PEX5L: variants seen among roughly 807,000 people sequenced by gnomAD.
PEX5L encodes the protein PEX5-related protein.
In PEX5L, 30 loss-of-function variants were observed where a neutral mutation model predicts 84.0. The ratio of observed to expected loss-of-function variants is 0.36; its 90% confidence interval spans 0.27 to 0.48. The LOEUF is 0.48. Among genes scored for constraint, PEX5L ranks in the 20% least tolerant of loss-of-function variants. The probability of loss-of-function intolerance (pLI) is 0.99; values close to 1 mark genes in which losing one functional copy is unlikely to be tolerated. For missense variants in PEX5L, 533 were observed against 754.6 expected (o/e 0.71, Z 3.44); for synonymous variants, 270 against 283.1 (o/e 0.95, Z 0.46).
chr3:179,813,664 A>ATTTTTTTTTTTT, intron 10 of PEX5L, among the ~76,000 whole-genome samples: 1 of 96,420 alleles, frequency 1.0e-5, no homozygotes, highest in Non-Finnish European at 2.0e-5. Context: ...CACTCAACTA[A>ATTTTTTTTTTTT]TTTTTTTTTT....
intron 2 of PEX5L, among the ~76,000 whole-genome samples, chr3:179,918,070 C>T (rs898473625): frequency 1.3e-5 from 2 of 152,128 alleles, no homozygotes; most frequent in Non-Finnish European, 2.9e-5. Context: ...GAGAGGTTAC[C>T]TGGGAAGAAC....
intron 7 of PEX5L, among the ~76,000 whole-genome samples, chr3:179,861,259 T>G (rs1195059743): frequency 2.0e-5 from 3 of 152,234 alleles, no homozygotes; most frequent in Non-Finnish European, 2.9e-5. Flanking sequence ...TAAAGATATT[T>G]TCTTTCCTTA....
At position 179,799,531 on chromosome 3, in the gene PEX5L, C is replaced by G. The variant is rs551997934; in HGVS notation, c.*2297G>C. The G allele has an allele frequency of 2.0e-5, 3 of 152,316 alleles. No individual in the cohort carries two copies. The highest frequency in any genetic ancestry group is 4.1e-4 in the South Asian group (2 of 4,826). 9.4% of individuals were successfully genotyped at this position (152,316 alleles called of 1,614,324 possible). On this transcript the variant is annotated 3_prime_UTR_variant, in exon 15 of 15. Transcript: ENST00000467460. ...ACAAATTAATTATTTGACATTTATA[C>G]TAGTTTCAGGCTTTAAATCCAGGCT...
chr3:179,820,025 T>C (rs752430434), intron 8 of PEX5L, 49 bp from the exon 9 acceptor site: 1 of 1,611,720 alleles, frequency 6.2e-7, no homozygotes, highest in South Asian at 1.1e-5. Flanking sequence ...ACATGCCACA[T>C]CATCTGTGTT....
chr3:179,850,068 CCCT>C (rs1379801319), intron 8 of PEX5L, among the ~76,000 whole-genome samples: 1 of 151,972 alleles, frequency 6.6e-6, no homozygotes, highest in Non-Finnish European at 1.5e-5. Context: ...GACTGTAAAT[CCCT>C]CTTTTTTAAC....
chr3:180,019,228 T>G (rs1016713237), intron 1 of PEX5L, among the ~76,000 whole-genome samples: 24 of 152,166 alleles, frequency 1.6e-4, no homozygotes, highest in African/African-American at 5.8e-4. Flanking sequence ...TAATTTGAAC[T>G]CCAGGTCTCT....
At chr3:180,002,767 G>A (rs1228352496) in intron 1 of PEX5L, among the ~76,000 whole-genome samples, 2 of 152,016 alleles carry the variant, frequency 1.3e-5, no homozygotes, top group African/African-American at 4.8e-5. Context: ...ATTGTGTGAA[G>A]ACTACCTCAC....
At chr3:179,890,441 A>G (rs1362291216) in intron 3 of PEX5L, among the ~76,000 whole-genome samples, 2 of 152,196 alleles carry the variant, frequency 1.3e-5, no homozygotes, top group Non-Finnish European at 2.9e-5. Flanking sequence ...CAACCAATAC[A>G]ACTGTGACTT....
chr3:179,916,590 C>CA (rs1560692109), intron 2 of PEX5L, among the ~76,000 whole-genome samples: 1 of 152,064 alleles, frequency 6.6e-6, no homozygotes, highest in East Asian at 1.9e-4. Context: ...TAAATTTATA[C>CA]AAAAAATTTT....
chr3:179,813,349 C>T (rs1368801783), intron 10 of PEX5L, among the ~76,000 whole-genome samples: 1 of 152,124 alleles, frequency 6.6e-6, no homozygotes, highest in African/African-American at 2.4e-5. Flanking sequence ...AAAAAATCTT[C>T]CAGGGCTGTT....
At chr3:179,848,519 C>G (rs1279226261) in intron 8 of PEX5L, among the ~76,000 whole-genome samples, 6 of 146,894 alleles carry the variant, frequency 4.1e-5, no homozygotes, top group African/African-American at 1.5e-4. Context: ...TGCCACTGAA[C>G]TCCAGCCTCA....
chr3:179,996,334 C>T (rs1787887944), intron 1 of PEX5L, among the ~76,000 whole-genome samples: 1 of 152,134 alleles, frequency 6.6e-6, no homozygotes, highest in African/African-American at 2.4e-5. Flanking sequence ...AGAGTTGGAT[C>T]AGGCTGATTT....
At chr3:179,837,607 C>A (rs999021347) in intron 8 of PEX5L, among the ~76,000 whole-genome samples, 2 of 152,176 alleles carry the variant, frequency 1.3e-5, no homozygotes, top group Non-Finnish European at 1.5e-5. Context: ...TAACTGTTTG[C>A]TCAATTGGTA....
At chr3:180,019,035 T>C (rs1790198536) in intron 1 of PEX5L, among the ~76,000 whole-genome samples, 1 of 152,224 alleles carries the variant, frequency 6.6e-6, no homozygotes, top group Non-Finnish European at 1.5e-5. Flanking sequence ...CCATTTCTTC[T>C]AGCTCCGTGT....
intron 2 of PEX5L, among the ~76,000 whole-genome samples, chr3:179,928,282 A>T (rs1251227337): frequency 6.6e-6 from 1 of 152,192 alleles, no homozygotes; most frequent in Non-Finnish European, 1.5e-5. Flanking sequence ...GCTCAATAAT[A>T]TTTGCCAGAT....
intron 2 of PEX5L, among the ~76,000 whole-genome samples, chr3:179,908,290 G>A (rs1763954143): frequency 1.3e-5 from 2 of 152,148 alleles, no homozygotes; most frequent in East Asian, 1.9e-4. Context: ...AGCTGGGGGT[G>A]GTCAAGGTGA....
intron 2 of PEX5L, among the ~76,000 whole-genome samples, chr3:179,928,289 A>AGAT (rs1179054003): frequency 6.6e-6 from 1 of 152,222 alleles, no homozygotes; most frequent in Admixed American, 6.5e-5. Context: ...AATATTTGCC[A>AGAT]GATTAAATTA....
At chr3:179,971,900 T>C (rs1784854526) in intron 1 of PEX5L, among the ~76,000 whole-genome samples, 1 of 152,150 alleles carries the variant, frequency 6.6e-6, no homozygotes, top group South Asian at 2.1e-4. Flanking sequence ...ACCTTTAATC[T>C]TTTTCTCAAT....
intron 2 of PEX5L, among the ~76,000 whole-genome samples, chr3:179,958,335 T>G (rs1172886896): frequency 6.6e-6 from 1 of 152,218 alleles, no homozygotes; most frequent in South Asian, 2.1e-4. Context: ...ACAGGCTGTG[T>G]AGAGAGCATA....
Sources: gnomAD v4.1 joint callset for allele counts (sites outside exome capture counted in the v4.1 genomes callset) on GRCh38, gnomAD v4.1.1 for gene constraint, MANE v1.5 for transcripts, NCBI Gene and HGNC (gene_info 2026-07-23, HGNC 2026-07-21) for gene names.